Variants in PKHD1 observed in about 807,000 individuals in gnomAD.
PKHD1 encodes fibrocystin.
A neutral mutation model predicts 412.0 loss-of-function variants in PKHD1; 291 were observed. That is an observed-to-expected ratio of 0.71 (90% CI 0.64 to 0.78). The LOEUF is 0.78. Among genes scored for constraint, PKHD1 ranks in the 30% least tolerant of loss-of-function variants. The probability of loss-of-function intolerance (pLI) is 0.00; values close to 1 mark genes in which losing one functional copy is unlikely to be tolerated. For synonymous variants in PKHD1, 1,777 were observed against 1,821.5 expected (o/e 0.98, Z 0.62); for missense variants, 4,825 against 4,950.7 (o/e 0.97, Z 0.76).
At chr6:51,862,100 C>A (rs1583083522) in intron 48 of PKHD1, among the ~76,000 whole-genome samples, 1 of 152,188 alleles carries the variant, frequency 6.6e-6, no homozygotes, top group Non-Finnish European at 1.5e-5. Flanking sequence ...TATATGCATA[C>A]CAGAGCTGTG....
At chr6:51,845,099 T>C (rs548324977) in intron 50 of PKHD1, among the ~76,000 whole-genome samples, 4 of 152,324 alleles carry the variant, frequency 2.6e-5, no homozygotes, top group African/African-American at 9.6e-5. Flanking sequence ...GGCACAGAAC[T>C]GGAACTCTAC....
At chr6:51,990,200 T>A (rs1374468169) in intron 35 of PKHD1, among the ~76,000 whole-genome samples, 2 of 151,912 alleles carry the variant, frequency 1.3e-5, no homozygotes, top group African/African-American at 2.4e-5. Flanking sequence ...TATCAAAGAT[T>A]TTTTTAAAAA....
At chr6:51,625,420 A>C (rs1767106079) in intron 66 of PKHD1, among the ~76,000 whole-genome samples, 2 of 152,194 alleles carry the variant, frequency 1.3e-5, no homozygotes. Context: ...CTTCAAAACG[A>C]TACTCTTCAG....
chr6:51,893,225 A>C (rs1180444823), intron 43 of PKHD1, among the ~76,000 whole-genome samples: 1 of 152,204 alleles, frequency 6.6e-6, no homozygotes, highest in Non-Finnish European at 1.5e-5. Flanking sequence ...ATGAGGAAAG[A>C]AAAGATTCTT....
intron 35 of PKHD1, among the ~76,000 whole-genome samples, chr6:51,968,250 C>G (rs754285402): frequency 6.6e-6 from 1 of 152,052 alleles, no homozygotes; most frequent in African/African-American, 2.4e-5. Context: ...AATTTTTTTA[C>G]AGAAACAAAC....
At chr6:51,740,104 G>T (rs1222755795) in intron 60 of PKHD1, 1 of 492,674 alleles carries the variant, frequency 2.0e-6, no homozygotes, top group African/African-American at 1.9e-5. Flanking sequence ...ATGGTTCTCA[G>T]AAGATCACCT....
intron 53 of PKHD1, among the ~76,000 whole-genome samples, chr6:51,788,043 G>A (rs1482247570): frequency 6.6e-6 from 1 of 152,186 alleles, no homozygotes; most frequent in Non-Finnish European, 1.5e-5. Flanking sequence ...TATCTGCAGT[G>A]TAGAAAGATG....
chr6:51,718,794 T>A (rs1379560822), intron 60 of PKHD1, among the ~76,000 whole-genome samples: 1 of 152,222 alleles, frequency 6.6e-6, no homozygotes, highest in Non-Finnish European at 1.5e-5. Flanking sequence ...AATTTGATAA[T>A]GCAATTTGAT....
At chr6:52,043,233 G>T in intron 26 of PKHD1, 99 bp from the exon 27 acceptor site, 2 of 953,980 alleles carry the variant, frequency 2.1e-6, no homozygotes, top group Non-Finnish European at 3.1e-6. Context: ...TTCCTTCTCT[G>T]CCCCCATCCC....
intron 55 of PKHD1, among the ~76,000 whole-genome samples, chr6:51,757,590 T>C (rs1787231805): frequency 6.6e-6 from 1 of 152,126 alleles, no homozygotes; most frequent in Admixed American, 6.6e-5. Flanking sequence ...CTCCCCACTT[T>C]CTGTACCACC....
intron 60 of PKHD1, among the ~76,000 whole-genome samples, chr6:51,709,701 A>AT: frequency 6.6e-6 from 1 of 152,194 alleles, no homozygotes; most frequent in Non-Finnish European, 1.5e-5. Context: ...TTTTCCTATG[A>AT]TTTTTAACAT....
chr6:51,842,037 A>G lies in PKHD1; in HGVS notation c.8108-5568T>C, dbSNP rs186575207. 2.0e-5 allele frequency among the ~76,000 whole-genome samples: 3 copies of G among 152,348 alleles called. No individual in the cohort carries two copies. In the East Asian group the frequency reaches 5.8e-4, roughly 29 times the overall value. On this transcript the variant is annotated intron_variant, in intron 50 of 66. Coordinates refer to ENST00000371117, the MANE Select transcript of PKHD1 (RefSeq NM_138694.4). ...AGTTCTTCTAGGCAACTTGGCACAC[A>G]CAATAAAGTCCATCTGCCTTTCCAT...
chr6:52,029,230 A>G (rs1802679617), intron 29 of PKHD1, among the ~76,000 whole-genome samples: 1 of 56,496 alleles, frequency 1.8e-5, no homozygotes, highest in African/African-American at 3.4e-5. Context: ...ACTAAAAAAG[A>G]AAAAAAAAGG....
At chr6:52,076,365 G>C in intron 5 of PKHD1, 32 bp from the exon 6 acceptor site, 2 of 1,552,790 alleles carry the variant, frequency 1.3e-6, no homozygotes, top group East Asian at 2.2e-5. Flanking sequence ...AAGTGAGCAT[G>C]TCATTAAAAT....
At chr6:52,062,483 C>T in intron 14 of PKHD1, 36 bp downstream of exon 14, 1 of 1,613,074 alleles carries the variant, frequency 6.2e-7, no homozygotes. Context: ...AGCAAAGGTG[C>T]TTTTGATGTG....
At chr6:52,035,743 C>A in intron 27 of PKHD1, 22 bp from the exon 28 acceptor site, 1 of 1,612,396 alleles carries the variant, frequency 6.2e-7, no homozygotes, top group South Asian at 1.1e-5. Flanking sequence ...ACAGCATATT[C>A]AAATGGGATC....
chr6:51,936,797 T>C (rs1787560606), intron 36 of PKHD1, among the ~76,000 whole-genome samples: 1 of 14,434 alleles, frequency 6.9e-5, no homozygotes, highest in Non-Finnish European at 1.2e-4. Flanking sequence ...ATAGACTCTG[T>C]AGCAATAAGA....
In PKHD1 at chr6:51,748,563, G is replaced by C; in HGVS notation, c.9053C>G (p.Ser3018Cys). 6.2e-7 allele frequency: 1 copy of C among 1,613,538 alleles called. No individual in the cohort carries two copies. Among genetic ancestry groups the C allele is most frequent in the Non-Finnish European group, 8.5e-7 (1 of 1,179,594 alleles). The change falls in exon 58 of 67, where the codon TCT becomes TGT. Residue 3018 changes from serine to cysteine, a missense_variant. By Grantham distance (112) the Ser-to-Cys change is moderately radical (BLOSUM62 -1). Transcript: ENST00000371117. ...CCCGCCACAGCTCTGGTGCAGAGTAGATGATATGATCCAGGATCCTGCTGA... is the reference window on the plus strand; with the variant it reads ...CCCGCCACAGCTCTGGTGCAGAGTACATGATATGATCCAGGATCCTGCTGA... ...NVSAGSWIIS[S>C]TLHQSCGGGI...
intron 43 of PKHD1, among the ~76,000 whole-genome samples, chr6:51,891,485 GT>G (rs2127572720): frequency 6.6e-6 from 1 of 152,036 alleles, no homozygotes; most frequent in East Asian, 1.9e-4. Context: ...CTCCATGTTG[GT>G]CAAGCTGGTC....
Sources: allele counts gnomAD v4.1 joint callset (sites outside exome capture counted in the v4.1 genomes callset), GRCh38; gene constraint gnomAD v4.1.1; transcripts MANE v1.5; gene names NCBI Gene and HGNC (gene_info 2026-07-23, HGNC 2026-07-21).